DCLK1: variants seen among roughly 807,000 people sequenced by gnomAD.
DCLK1 encodes the protein serine/threonine-protein kinase DCLK1.
In DCLK1, 16 loss-of-function variants were observed where a neutral mutation model predicts 86.2. The observed-to-expected ratio is 0.19, with a 90% CI of 0.13 to 0.28. The LOEUF (loss-of-function observed/expected upper bound fraction) is 0.28. Ranked by LOEUF, DCLK1 falls within the 10% of genes least tolerant of loss-of-function variation. DCLK1 has a pLI of 1.00. For missense variants in DCLK1, 590 were observed against 940.2 expected (o/e 0.63, Z 4.87); for synonymous variants, 369 against 370.5 (o/e 1.00, Z 0.05).
intron 15 of DCLK1, among the ~76,000 whole-genome samples, chr13:35,804,853 C>T (rs1566541422): frequency 6.6e-6 from 1 of 152,144 alleles, no homozygotes; most frequent in Non-Finnish European, 1.5e-5. Context: ...TCATTAGACC[C>T]GTGTACTCAA....
chr13:35,794,903 C>A (rs1390873023), intron 15 of DCLK1, among the ~76,000 whole-genome samples: 11 of 152,148 alleles, frequency 7.2e-5, no homozygotes, highest in Non-Finnish European at 1.6e-4. Context: ...ACATGAAGTG[C>A]CGACCTTGTC....
intron 3 of DCLK1, among the ~76,000 whole-genome samples, chr13:36,035,321 T>C (rs913301435): frequency 6.6e-6 from 1 of 152,176 alleles, no homozygotes; most frequent in Admixed American, 6.6e-5. Flanking sequence ...GCCTTGACCC[T>C]CCTAAGATTG....
intron 3 of DCLK1, among the ~76,000 whole-genome samples, chr13:35,972,505 A>T (rs946517902): frequency 1.3e-5 from 2 of 152,180 alleles, no homozygotes; most frequent in African/African-American, 4.8e-5. Context: ...TAAATATTTA[A>T]GATGGGGAGT....
At chr13:36,070,805 C>A (rs544448134) in intron 3 of DCLK1, among the ~76,000 whole-genome samples, 11 of 152,174 alleles carry the variant, frequency 7.2e-5, no homozygotes, top group Middle Eastern at 3.4e-3. Flanking sequence ...CCACGTCCAG[C>A]TAATTTTTTG....
At chr13:35,826,618 C>A (rs1053956212) in intron 10 of DCLK1, among the ~76,000 whole-genome samples, 2 of 150,774 alleles carry the variant, frequency 1.3e-5, no homozygotes, top group Non-Finnish European at 3.0e-5. Flanking sequence ...TACAAATAAC[C>A]ACTAAGTTAA....
intron 2 of DCLK1, among the ~76,000 whole-genome samples, chr13:36,115,725 T>G (rs1333143887): frequency 6.6e-6 from 1 of 151,418 alleles, no homozygotes; most frequent in East Asian, 1.9e-4. Flanking sequence ...GAGAGAGAGA[T>G]AAAGAAAATG....
intron 4 of DCLK1, among the ~76,000 whole-genome samples, chr13:35,925,735 A>G (rs1876077952): frequency 6.6e-6 from 1 of 152,014 alleles, no homozygotes. Context: ...TTTTATTCTT[A>G]TTTTGGATAG....
chr13:36,012,700 T>C (rs1399357919), intron 3 of DCLK1, among the ~76,000 whole-genome samples: 2 of 120,232 alleles, frequency 1.7e-5, no homozygotes, highest in East Asian at 5.3e-4. Flanking sequence ...CTGACAATTA[T>C]GTGTCTTGGA....
At chr13:35,840,105 C>A (rs1238439044) in intron 6 of DCLK1, among the ~76,000 whole-genome samples, 1 of 152,160 alleles carries the variant, frequency 6.6e-6, no homozygotes, top group Admixed American at 6.5e-5. Context: ...ATGGTGCCGG[C>A]TGTCTGTGGA....
chr13:35,774,808 C>A, intron 16 of DCLK1, 109 bp from the exon 17 acceptor site: 1 of 1,246,502 alleles, frequency 8.0e-7, no homozygotes, highest in Non-Finnish European at 1.1e-6. Context: ...GCCAAGTTCA[C>A]CTGTCCATCA....
chr13:35,885,589 C>G (rs918677149), intron 4 of DCLK1, among the ~76,000 whole-genome samples: 100 of 152,066 alleles, frequency 6.6e-4, no homozygotes, highest in Admixed American at 6.5e-4. Context: ...GTTTTACTTT[C>G]AAGAAATAAG....
intron 3 of DCLK1, among the ~76,000 whole-genome samples, chr13:36,022,396 A>G (rs1207419604): frequency 6.6e-6 from 1 of 152,102 alleles, no homozygotes; most frequent in Non-Finnish European, 1.5e-5. Flanking sequence ...AGTAGGAGGA[A>G]AGCAATAATA....
chr13:35,845,064 A>G (rs1227699802), intron 6 of DCLK1, among the ~76,000 whole-genome samples: 1 of 152,190 alleles, frequency 6.6e-6, no homozygotes, highest in African/African-American at 2.4e-5. Flanking sequence ...CCTGGCCAAC[A>G]TGGCGAAACC....
chr13:35,916,794 G>C (rs1875441058), intron 4 of DCLK1, among the ~76,000 whole-genome samples: 1 of 152,136 alleles, frequency 6.6e-6, no homozygotes, highest in Admixed American at 6.5e-5. Context: ...ACAAGGTTCA[G>C]GACATGCTGT....
At chr13:35,860,441 A>G (rs1237644839) in intron 5 of DCLK1, among the ~76,000 whole-genome samples, 1 of 151,968 alleles carries the variant, frequency 6.6e-6, no homozygotes, top group Non-Finnish European at 1.5e-5. Context: ...GGTGAGGTGG[A>G]GCTCTGATTT....
chr13:35,874,922 A>C (rs1272823403), intron 4 of DCLK1, among the ~76,000 whole-genome samples: 2 of 152,248 alleles, frequency 1.3e-5, no homozygotes, highest in African/African-American at 4.8e-5. Flanking sequence ...CTGGAATGCC[A>C]CAATGTCGCC....
At chr13:35,985,825 T>C (rs1879874889) in intron 3 of DCLK1, among the ~76,000 whole-genome samples, 1 of 152,206 alleles carries the variant, frequency 6.6e-6, no homozygotes, top group Admixed American at 6.5e-5. Flanking sequence ...TATTCTAAGA[T>C]TGATGCTTGT....
At chr13:35,821,755 T>C (rs546850220) in intron 11 of DCLK1, among the ~76,000 whole-genome samples, 81 of 151,752 alleles carry the variant, frequency 5.3e-4, no homozygotes, top group African/African-American at 1.9e-3. Flanking sequence ...GCAACATTTA[T>C]ATTACTCCCA....
At chr13:35,787,738 T>G (rs545067409) in intron 16 of DCLK1, 1 of 176,088 alleles carries the variant, frequency 5.7e-6, no homozygotes, top group South Asian at 1.4e-4. Flanking sequence ...CATTGTACTT[T>G]GAGGCGCTTC....
Sources: gnomAD v4.1 joint callset for allele counts (sites outside exome capture counted in the v4.1 genomes callset) on GRCh38, gnomAD v4.1.1 for gene constraint, MANE v1.5 for transcripts, NCBI Gene and HGNC (gene_info 2026-07-23, HGNC 2026-07-21) for gene names.